CNTN5: variants seen among roughly 807,000 people sequenced by gnomAD.
The protein encoded by CNTN5 is contactin-5.
In CNTN5, 77 loss-of-function variants were observed where a neutral mutation model predicts 129.1. The ratio of observed to expected loss-of-function variants is 0.60; its 90% CI spans 0.50 to 0.72. The LOEUF (loss-of-function observed/expected upper bound fraction) is 0.72. Among genes scored for constraint, CNTN5 ranks in the 30% least tolerant of loss-of-function variants. The pLI is 0.00. For synonymous variants in CNTN5, 509 were observed against 465.6 expected (o/e 1.09, Z -1.20); for missense variants, 1,478 against 1,328.8 (o/e 1.11, Z -1.75).
At chr11:99,784,866 C>G (rs1945459047) in intron 3 of CNTN5, among the ~76,000 whole-genome samples, 1 of 133,698 alleles carries the variant, frequency 7.5e-6, no homozygotes, top group Admixed American at 9.0e-5. Flanking sequence ...GTGACGCGAT[C>G]TCGACTCACT....
intron 1 of CNTN5, among the ~76,000 whole-genome samples, chr11:99,249,812 C>A (rs150663549): frequency 2.0e-5 from 3 of 151,912 alleles, no homozygotes; most frequent in African/African-American, 4.8e-5. Context: ...AATACAATTT[C>A]TTTAGTGTTG....
intron 3 of CNTN5, among the ~76,000 whole-genome samples, chr11:99,678,346 A>G (rs555834640): frequency 3.3e-5 from 5 of 152,236 alleles, no homozygotes; most frequent in African/African-American, 4.8e-5. Context: ...TCTAATATAT[A>G]TATATGATTC....
At chr11:99,636,166 T>C (rs1951544554) in intron 3 of CNTN5, among the ~76,000 whole-genome samples, 1 of 152,016 alleles carries the variant, frequency 6.6e-6, no homozygotes, top group African/African-American at 2.4e-5. Flanking sequence ...ACTTCATAAA[T>C]CATCTAAGAA....
At chr11:99,765,541 G>A (rs1944723719) in intron 3 of CNTN5, among the ~76,000 whole-genome samples, 1 of 151,510 alleles carries the variant, frequency 6.6e-6, no homozygotes. Flanking sequence ...TTTAATTTCT[G>A]TACCCTTCTT....
intron 13 of CNTN5, among the ~76,000 whole-genome samples, chr11:100,123,259 T>C (rs1181358973): frequency 6.6e-6 from 1 of 152,060 alleles, no homozygotes; most frequent in Non-Finnish European, 1.5e-5. Flanking sequence ...CCTTTAAATA[T>C]GAAATATTTT....
At chr11:100,133,632 T>C (rs1946443146) in intron 13 of CNTN5, among the ~76,000 whole-genome samples, 1 of 152,124 alleles carries the variant, frequency 6.6e-6, no homozygotes, top group Non-Finnish European at 1.5e-5. Flanking sequence ...AAGTTATAAA[T>C]GTGGCCATAT....
At chr11:99,442,229 G>A (rs1012297529) in intron 2 of CNTN5, among the ~76,000 whole-genome samples, 1 of 152,036 alleles carries the variant, frequency 6.6e-6, no homozygotes, top group Admixed American at 6.5e-5. Flanking sequence ...CTGGAGTGCT[G>A]CGTGACCTTG....
chr11:99,028,738 A>G (rs1053752162), intron 1 of CNTN5, among the ~76,000 whole-genome samples: 1 of 151,864 alleles, frequency 6.6e-6, no homozygotes, highest in Admixed American at 6.6e-5. Context: ...GATGCTGTGG[A>G]AAAAAATGCC....
chr11:99,492,708 T>C (rs765255658), intron 2 of CNTN5, among the ~76,000 whole-genome samples: 31 of 152,274 alleles, frequency 2.0e-4, no homozygotes, highest in Middle Eastern at 6.8e-3. Flanking sequence ...ATTCATTCAA[T>C]GTCATGTTTA....
chr11:99,460,483 A>G (rs1019174481), intron 2 of CNTN5, among the ~76,000 whole-genome samples: 2 of 152,008 alleles, frequency 1.3e-5, no homozygotes, highest in African/African-American at 4.8e-5. Context: ...TGCAGTAAAC[A>G]AACACATAAG....
At chr11:99,565,109 A>T (rs1019388052) in intron 3 of CNTN5, among the ~76,000 whole-genome samples, 5 of 152,166 alleles carry the variant, frequency 3.3e-5, no homozygotes. Context: ...TTGGGCTTAA[A>T]GAACAATAAC....
At chr11:99,446,478 AT>A (rs1370183357) in intron 2 of CNTN5, among the ~76,000 whole-genome samples, 1 of 151,924 alleles carries the variant, frequency 6.6e-6, no homozygotes, top group African/African-American at 2.4e-5. Flanking sequence ...TTACCTGCAA[AT>A]TTTTTTCTTC....
At chr11:99,413,177 C>A (rs2135018620) in intron 2 of CNTN5, among the ~76,000 whole-genome samples, 1 of 152,092 alleles carries the variant, frequency 6.6e-6, no homozygotes, top group African/African-American at 2.4e-5. Flanking sequence ...TACTTAGAGT[C>A]AAGTATTAAC....
chr11:99,948,231 A>G (rs1349740634), intron 7 of CNTN5, among the ~76,000 whole-genome samples: 1 of 152,212 alleles, frequency 6.6e-6, no homozygotes, highest in African/African-American at 2.4e-5. Context: ...ATCTTAATGT[A>G]AGTGGAGATG....
At chr11:100,196,668 T>G (rs544110966) in intron 15 of CNTN5, among the ~76,000 whole-genome samples, 2 of 152,116 alleles carry the variant, frequency 1.3e-5, no homozygotes, top group South Asian at 4.1e-4. Flanking sequence ...GCTTCTACTA[T>G]TTATGTTGCC....
intron 1 of CNTN5, among the ~76,000 whole-genome samples, chr11:99,038,035 A>T (rs1031798161): frequency 6.6e-6 from 1 of 152,194 alleles, no homozygotes; most frequent in African/African-American, 2.4e-5. Flanking sequence ...TTAATTTAAT[A>T]CATTCTGCTC....
chr11:99,673,435 G>A (rs1243862796), intron 3 of CNTN5, among the ~76,000 whole-genome samples: 2 of 152,064 alleles, frequency 1.3e-5, no homozygotes, highest in Admixed American at 6.6e-5. Flanking sequence ...TCTGATATAT[G>A]GGCATTTCTC....
chr11:100,017,426 T>C (rs1292130545), intron 9 of CNTN5, among the ~76,000 whole-genome samples: 1 of 152,028 alleles, frequency 6.6e-6, no homozygotes, highest in Non-Finnish European at 1.5e-5. Context: ...TGTAGTTTAA[T>C]TGGCAGTGTT....
At chr11:100,323,491 G>A (rs1951733471) in intron 21 of CNTN5, among the ~76,000 whole-genome samples, 1 of 152,128 alleles carries the variant, frequency 6.6e-6, no homozygotes. Context: ...GCTTCTGTCT[G>A]CTTTTGGATG....
Sources: allele counts gnomAD v4.1 joint callset (sites outside exome capture counted in the v4.1 genomes callset), GRCh38; gene constraint gnomAD v4.1.1; transcripts MANE v1.5; gene names NCBI Gene and HGNC (gene_info 2026-07-23, HGNC 2026-07-21).